GFPT2: variants seen among roughly 807,000 people sequenced by gnomAD.
The protein encoded by GFPT2 is glutamine--fructose-6-phosphate transaminase 2.
In GFPT2, 62 loss-of-function variants were observed where a neutral mutation model predicts 85.6. That is an observed-to-expected ratio of 0.72 (90% confidence interval 0.59 to 0.90). GFPT2 has a LOEUF of 0.90. Among genes scored for constraint, GFPT2 ranks in the 40% least tolerant of loss-of-function variants. GFPT2 has a pLI of 0.00. For missense variants in GFPT2, 788 were observed against 893.4 expected (o/e 0.88, Z 1.50); for synonymous variants, 368 against 344.5 (o/e 1.07, Z -0.75).
At chr5:180,309,161 C>T (rs1164081318) in intron 15 of GFPT2, among the ~76,000 whole-genome samples, 2 of 152,124 alleles carry the variant, frequency 1.3e-5, no homozygotes, top group African/African-American at 2.4e-5. Flanking sequence ...CATCAGCCAC[C>T]GTGCCCGGCC....
intron 1 of GFPT2, among the ~76,000 whole-genome samples, chr5:180,343,255 A>G (rs1764553350): frequency 6.6e-6 from 1 of 152,154 alleles, no homozygotes; most frequent in Non-Finnish European, 1.5e-5. Context: ...CCCACCTCCC[A>G]GCCACACTTC....
intron 7 of GFPT2, among the ~76,000 whole-genome samples, chr5:180,326,938 T>C (rs890511162): frequency 6.6e-6 from 1 of 152,134 alleles, no homozygotes; most frequent in African/African-American, 2.4e-5. Context: ...CATGATAAAA[T>C]TGGATTTTAA....
chr5:180,311,782 G>A (rs11742984), intron 15 of GFPT2, among the ~76,000 whole-genome samples: 47,534 of 151,872 alleles, frequency 0.31, 7,685 homozygotes, highest in East Asian at 0.45. Context: ...GAGTGCTGGC[G>A]TCGGGGCCTC....
At chr5:180,317,226 C>G (rs1277346302) in intron 10 of GFPT2, among the ~76,000 whole-genome samples, 168 bp from the exon 11 acceptor site, 1 of 152,180 alleles carries the variant, frequency 6.6e-6, no homozygotes, top group Non-Finnish European at 1.5e-5. Flanking sequence ...GGTCAGGAAC[C>G]AGGACTATCT....
rs1008001563 is a variant in GFPT2, at chr5:180,328,484, C to T, written c.535-146G>A. The T allele has an allele frequency of 6.9e-5, 44 of 637,062 alleles. No individual in the cohort carries two copies. Among genetic ancestry groups the T allele is most frequent in the East Asian group, 4.2e-4 (15 of 36,004 alleles). 39.5% of individuals were successfully genotyped at this position (637,062 alleles called of 1,614,324 possible). ...GGAGCTGAGTGCAGAACAGCGCATC[C>T]GGGGTGACATCACGAGGGAAAGCAA... is the stretch of plus-strand genomic sequence containing the variant. On this transcript the variant is annotated intron_variant, in intron 6 of 18. Transcript: ENST00000253778. The surrounding 1 kb of genome is among the most constrained non-coding windows in gnomAD (Gnocchi z 5.4).
At chr5:180,312,840 G>A (rs1013667415) in intron 14 of GFPT2, among the ~76,000 whole-genome samples, 4 of 152,106 alleles carry the variant, frequency 2.6e-5, no homozygotes, top group South Asian at 4.1e-4. Context: ...GCAGTGGCTC[G>A]ATCTCGGCTC....
intron 1 of GFPT2, among the ~76,000 whole-genome samples, chr5:180,349,323 AT>A (rs1324957001): frequency 6.6e-6 from 1 of 152,080 alleles, no homozygotes; most frequent in Non-Finnish European, 1.5e-5. Context: ...TAAAAATAAA[AT>A]ACCTAAATAG....
rs566721290 is a variant in GFPT2, at chr5:180,318,515, G to A, written c.958+278C>T. 16 of 428,504 alleles carry A rather than the reference G, an allele frequency of 3.7e-5. No homozygotes were observed. The highest frequency in any genetic ancestry group is 2.9e-4 in the East Asian group (7 of 24,108). The allele number at this position is 428,504 out of a possible 1,614,324, so 26.5% of individuals were successfully genotyped here. A position where few individuals can be genotyped will look rare whatever the true frequency, so the allele number is the denominator to read the frequency against. The stretch of plus-strand genomic sequence containing the variant: ...ATGCCTGAGGGTGGGCATGTGTCCC[G>A]CGGAGTCGGTGAAGGAAGGCAGCTG... On this transcript the variant is annotated intron_variant, in intron 10 of 18. Coordinates refer to ENST00000253778, the MANE Select transcript of GFPT2 (RefSeq NM_005110.4). This position sits in a 1 kb window ranked among gnomAD's most constrained non-coding sequence, Gnocchi z 4.2.
At chr5:180,320,830 T>TA (rs1764105177) in intron 9 of GFPT2, among the ~76,000 whole-genome samples, 1 of 152,090 alleles carries the variant, frequency 6.6e-6, no homozygotes, top group Non-Finnish European at 1.5e-5. Context: ...AATGAACACT[T>TA]AAACTCCTGG....
At chr5:180,341,736 C>A (rs1267881958) in intron 1 of GFPT2, among the ~76,000 whole-genome samples, 1 of 152,112 alleles carries the variant, frequency 6.6e-6, no homozygotes, top group Non-Finnish European at 1.5e-5. Context: ...GTGAGAGGAG[C>A]TGAATGTATG....
Position 180,301,382 on chromosome 5 carries a change from A to G in GFPT2, c.*182T>C. ...TTCTCCTCTGGCGACTTCAGGACAC[A>G]GAGAAACAGTATCTGCTGTAAGCAA... On this transcript the variant is annotated 3_prime_UTR_variant, in exon 19 of 19. Transcript: ENST00000253778. The G allele has an allele frequency of 1.6e-6, 1 of 633,342 alleles. No individual in the cohort carries two copies. Among genetic ancestry groups the G allele is most frequent in the East Asian group, 2.6e-5 (1 of 38,078 alleles). 39.2% of individuals were successfully genotyped at this position (633,342 alleles called of 1,614,324 possible). A position where few individuals can be genotyped will look rare whatever the true frequency, so the allele number is the denominator to read the frequency against.
intron 15 of GFPT2, among the ~76,000 whole-genome samples, chr5:180,310,832 C>CAAAAAA (rs3080055): frequency 4.9e-4 from 25 of 50,578 alleles, no homozygotes; most frequent in African/African-American, 7.7e-4. Flanking sequence ...TGGACACAGG[C>CAAAAAA]AAAAAAAAAA....
intron 15 of GFPT2, among the ~76,000 whole-genome samples, chr5:180,310,456 G>A (rs768574269): frequency 6.7e-6 from 1 of 150,170 alleles, no homozygotes; most frequent in African/African-American, 2.5e-5. Context: ...TGTTGCCCAG[G>A]CTGGAGTGCA....
At chr5:180,319,093 G>T in intron 9 of GFPT2, 137 bp from the exon 10 acceptor site, 1 of 693,682 alleles carries the variant, frequency 1.4e-6, no homozygotes, top group Non-Finnish European at 2.4e-6. Context: ...TAAAAACATT[G>T]ATTTGCAGGT....
intron 7 of GFPT2, among the ~76,000 whole-genome samples, chr5:180,325,313 C>G (rs141472868): frequency 3.5e-4 from 53 of 152,292 alleles, no homozygotes; most frequent in African/African-American, 1.3e-3. Flanking sequence ...GGGCTCTGCA[C>G]CCACCATCTG....
chr5:180,326,012 G>A (rs1003150434), intron 7 of GFPT2, among the ~76,000 whole-genome samples: 1 of 150,134 alleles, frequency 6.7e-6, no homozygotes, highest in Non-Finnish European at 1.5e-5. Context: ...GCGACAAAGC[G>A]AGACTCCATC....
intron 10 of GFPT2, 143 bp from the exon 11 acceptor site, chr5:180,317,201 C>A: frequency 1.5e-6 from 1 of 673,070 alleles, no homozygotes; most frequent in Non-Finnish European, 2.7e-6. Context: ...CACTCACTAC[C>A]ATCAGAGGGA....
chr5:180,346,251 C>G (rs1351827454), intron 1 of GFPT2, among the ~76,000 whole-genome samples: 1 of 152,150 alleles, frequency 6.6e-6, no homozygotes, highest in Non-Finnish European at 1.5e-5. Flanking sequence ...TGCCTTTTTG[C>G]AAGCCTGGGC....
chr5:180,331,027 C>A (rs767564820), intron 5 of GFPT2, 193 bp from the exon 6 acceptor site: 2 of 579,794 alleles, frequency 3.4e-6, no homozygotes, highest in Non-Finnish European at 6.1e-6. Flanking sequence ...GCCCTGAGAT[C>A]ATCCCACCTC....
Sources: gnomAD v4.1 joint callset for allele counts (sites outside exome capture counted in the v4.1 genomes callset) on GRCh38, gnomAD v4.1.1 for gene constraint, Gnocchi (gnomAD v3.1) non-coding constraint, MANE v1.5 for transcripts, NCBI Gene and HGNC (gene_info 2026-07-23, HGNC 2026-07-21) for gene names.